PTPRZ1: variants seen among roughly 807,000 people sequenced by gnomAD.
PTPRZ1 encodes the protein protein tyrosine phosphatase receptor type Z1, also known as receptor-type tyrosine-protein phosphatase zeta.
PTPRZ1 carries 82 observed loss-of-function variants against 214.1 expected under a neutral mutation model. That is an observed-to-expected ratio of 0.38 (90% CI 0.32 to 0.46). The LOEUF (loss-of-function observed/expected upper bound fraction) is 0.46, where lower values mean the gene tolerates loss of function less well. Among genes scored for constraint, PTPRZ1 ranks in the 20% least tolerant of loss-of-function variants. The probability of loss-of-function intolerance (pLI) is 1.00; values close to 1 mark genes in which losing one functional copy is unlikely to be tolerated. For synonymous variants in PTPRZ1, 945 were observed against 987.9 expected (o/e 0.96, Z 0.81); for missense variants, 2,603 against 2,748.7 (o/e 0.95, Z 1.19).
At chr7:122,036,739 C>A (rs1483344329) in intron 18 of PTPRZ1, 57 bp downstream of exon 18, 10 of 1,188,638 alleles carry the variant, frequency 8.4e-6, no homozygotes, top group Middle Eastern at 2.4e-4. Flanking sequence ...AATTATTATA[C>A]CATAATGCCA....
At chr7:121,967,647 T>A (rs1797084245) in intron 2 of PTPRZ1, among the ~76,000 whole-genome samples, 1 of 152,194 alleles carries the variant, frequency 6.6e-6, no homozygotes, top group South Asian at 2.1e-4. Context: ...TAAAAGTTAG[T>A]TCTCATTGAC....
intron 13 of PTPRZ1, among the ~76,000 whole-genome samples, chr7:122,021,120 G>T (rs888723567): frequency 3.9e-5 from 6 of 151,932 alleles, no homozygotes; most frequent in African/African-American, 1.5e-4. Context: ...CTAGTACAAA[G>T]TTCCAATAAA....
intron 1 of PTPRZ1, among the ~76,000 whole-genome samples, chr7:121,911,777 A>G (rs2116310988): frequency 7.1e-6 from 1 of 140,082 alleles, no homozygotes; most frequent in Admixed American, 7.2e-5. Flanking sequence ...GGAAACTTTA[A>G]TTTTATACAC....
In PTPRZ1 at chr7:122,011,702, G is replaced by A; in HGVS notation, c.2656G>A (p.Ala886Thr). The A allele has an allele frequency of 6.2e-7, 1 of 1,614,114 alleles. No individual in the cohort carries two copies. The highest frequency in any genetic ancestry group is 8.5e-7 in the Non-Finnish European group (1 of 1,180,016). Reference sequence around the variant, plus strand: ...TGATGTGCTGTCCACTACTCATGCTGCTTCAGAGACGCTGGAATTTGGTAG... The same window carrying A: ...TGATGTGCTGTCCACTACTCATGCTACTTCAGAGACGCTGGAATTTGGTAG... ...YSDVLSTTHAASETLEFGSES... is the reference protein window; with the variant it reads ...YSDVLSTTHATSETLEFGSES... The change falls in exon 12 of 30, where the codon GCT becomes ACT. Residue 886 changes from alanine to threonine, a missense_variant. Ala to Thr is a moderately conservative substitution (Grantham distance 58, BLOSUM62 0). Around this residue, in one of 6 missense-constraint regions of PTPRZ1, gnomAD observed 1,913 missense variants for 1,914.3 expected, o/e 1.00. Transcript: ENST00000393386.
At chr7:122,059,522 C>T (rs1792495146) in intron 28 of PTPRZ1, 1 of 418,792 alleles carries the variant, frequency 2.4e-6, no homozygotes, top group Non-Finnish European at 4.2e-6. Flanking sequence ...AATAATAAAC[C>T]ATAAGCAAAT....
At chr7:121,931,445 T>A (rs559297636) in intron 2 of PTPRZ1, among the ~76,000 whole-genome samples, 2 of 152,212 alleles carry the variant, frequency 1.3e-5, no homozygotes, top group South Asian at 4.1e-4. Flanking sequence ...TAATGCACCC[T>A]CCACTCTCCC....
intron 1 of PTPRZ1, among the ~76,000 whole-genome samples, chr7:121,899,373 C>T (rs947526186): frequency 6.6e-6 from 1 of 152,010 alleles, no homozygotes; most frequent in Admixed American, 6.6e-5. Context: ...ATCTTTCCTG[C>T]TTTGTCATAT....
intron 2 of PTPRZ1, among the ~76,000 whole-genome samples, chr7:121,960,047 C>T (rs1796827625): frequency 6.6e-6 from 1 of 152,130 alleles, no homozygotes; most frequent in Non-Finnish European, 1.5e-5. Context: ...TGTGGAGACA[C>T]ATTCTTTTTG....
chr7:122,042,712 G>T lies in PTPRZ1; in HGVS notation c.5906G>T (p.Arg1969Leu). 6.2e-7 allele frequency: 1 copy of T among 1,612,464 alleles called. No individual in the cohort carries two copies. Among genetic ancestry groups the T allele is most frequent in the South Asian group, 1.1e-5 (1 of 90,988 alleles). ...ATATTTGGCTTCTTAAAACACATCC[G>T]TTCACAAAGAAATTATTTGGTACAA... ...VNIFGFLKHI[R>L]SQRNYLVQTE... The change falls in exon 22 of 30, where the codon CGT becomes CTT. Residue 1969 changes from arginine to leucine, a missense_variant. Transcript: ENST00000393386.
chr7:122,027,886 G>A (rs1302115861), intron 13 of PTPRZ1, among the ~76,000 whole-genome samples: 4 of 152,030 alleles, frequency 2.6e-5, no homozygotes, highest in Admixed American at 2.6e-4. Context: ...GAAGAAAATC[G>A]CCCCTATTTT....
At chr7:121,922,248 G>T (rs1795622134) in intron 1 of PTPRZ1, among the ~76,000 whole-genome samples, 1 of 152,158 alleles carries the variant, frequency 6.6e-6, no homozygotes, top group East Asian at 1.9e-4. Context: ...TGTGTTCATA[G>T]GTGTTCTTTA....
chr7:122,002,129 A>C (rs1198890027), intron 10 of PTPRZ1, among the ~76,000 whole-genome samples: 1 of 152,164 alleles, frequency 6.6e-6, no homozygotes, highest in Non-Finnish European at 1.5e-5. Context: ...AATCTTTAGG[A>C]AGATAGAAAC....
intron 11 of PTPRZ1, among the ~76,000 whole-genome samples, chr7:122,005,751 G>C (rs905614511): frequency 2.6e-5 from 4 of 151,942 alleles, no homozygotes; most frequent in African/African-American, 9.7e-5. Flanking sequence ...CTGACATACT[G>C]ATGTAAGCCC....
At chr7:122,031,280 AG>A in intron 14 of PTPRZ1, among the ~76,000 whole-genome samples, 193 bp from the exon 15 acceptor site, 1 of 152,194 alleles carries the variant, frequency 6.6e-6, no homozygotes, top group East Asian at 1.9e-4. Flanking sequence ...TGAACAAATC[AG>A]ATTTCTGAAA....
chr7:121,944,409 C>T (rs1365297256), intron 2 of PTPRZ1, among the ~76,000 whole-genome samples: 1 of 151,750 alleles, frequency 6.6e-6, no homozygotes, highest in Non-Finnish European at 1.5e-5. Flanking sequence ...GTTAATAATC[C>T]TAATAATAAT....
chr7:121,958,430 C>A (rs535892115), intron 2 of PTPRZ1, among the ~76,000 whole-genome samples: 2 of 152,298 alleles, frequency 1.3e-5, no homozygotes, highest in Non-Finnish European at 2.9e-5. Context: ...CCATTTGGTG[C>A]CACTGCTCCC....
intron 18 of PTPRZ1, among the ~76,000 whole-genome samples, 180 bp downstream of exon 18, chr7:122,036,862 A>G (rs1799559353): frequency 6.6e-6 from 1 of 152,206 alleles, no homozygotes; most frequent in Non-Finnish European, 1.5e-5. Context: ...TTTTCATATT[A>G]AATGACATTC....
intron 2 of PTPRZ1, among the ~76,000 whole-genome samples, chr7:121,948,769 T>TA (rs1305771385): frequency 6.6e-6 from 1 of 151,510 alleles, no homozygotes; most frequent in African/African-American, 2.4e-5. Flanking sequence ...CATTTTTTTT[T>TA]TTTTTAGGTA....
At chr7:121,904,569 G>A (rs17143879) in intron 1 of PTPRZ1, among the ~76,000 whole-genome samples, 8,682 of 152,146 alleles carry the variant, frequency 0.057, 629 homozygotes, top group African/African-American at 0.17. Context: ...AACACAGTAA[G>A]TAATCTCAAC....
Sources: gnomAD v4.1 joint callset for allele counts (sites outside exome capture counted in the v4.1 genomes callset) on GRCh38, gnomAD v4.1.1 for gene constraint, gnomAD v4.1.1 regional missense constraint, MANE v1.5 for transcripts, NCBI Gene and HGNC (gene_info 2026-07-23, HGNC 2026-07-21) for gene names.